Variants in ROR1 observed in about 807,000 individuals in gnomAD.
ROR1 encodes inactive tyrosine-protein kinase transmembrane receptor ROR1.
ROR1 carries 19 observed loss-of-function variants against 78.8 expected under a neutral mutation model. The observed-to-expected ratio is 0.24, with a 90% CI of 0.17 to 0.35. The LOEUF is 0.35. Ranked by LOEUF, ROR1 falls within the 10% of genes least tolerant of loss-of-function variation. ROR1 has a pLI of 1.00. For synonymous variants in ROR1, 386 were observed against 433.6 expected (o/e 0.89, Z 1.36); for missense variants, 917 against 1,177.8 (o/e 0.78, Z 3.24).
rs376343085 is a variant in ROR1, at chr1:64,049,921, G to T, written c.394G>T (p.Val132Leu). ...DTTDTGYFQC[V>L]ATNGKEVVSS... ...CACAGACACAGGCTACTTCCAGTGC[G>T]TGGCAACAAACGGCAAGGAGGTGGT... Residue 132 changes from valine (V) to leucine (L), a missense_variant, in exon 3 of 9, where the codon GTG becomes TTG. Coordinates refer to ENST00000371079, the MANE Select transcript of ROR1 (RefSeq NM_005012.4). The T allele has an allele frequency of 6.2e-7, 1 of 1,614,200 alleles. No homozygotes were observed. Among genetic ancestry groups the T allele is most frequent in the Non-Finnish European group, 8.5e-7 (1 of 1,180,032 alleles).
chr1:64,039,902 A>T (rs1393036159), intron 2 of ROR1, among the ~76,000 whole-genome samples: 2 of 152,246 alleles, frequency 1.3e-5, no homozygotes, highest in East Asian at 3.8e-4. Context: ...AGGAGAATGC[A>T]GTCTTTAGGC....
intron 1 of ROR1, among the ~76,000 whole-genome samples, chr1:63,788,086 C>T (rs966513695): frequency 2.7e-4 from 41 of 152,266 alleles, no homozygotes; most frequent in African/African-American, 7.9e-4. Flanking sequence ...TTTTCCACCT[C>T]CCTGGGGTTT....
At chr1:64,143,761 A>C (rs1047615414) in intron 7 of ROR1, among the ~76,000 whole-genome samples, 2 of 152,176 alleles carry the variant, frequency 1.3e-5, no homozygotes, top group Non-Finnish European at 2.9e-5. Flanking sequence ...GAACAAGCAA[A>C]AGGGAGAGTA....
At chr1:63,869,275 A>G (rs1191523221) in intron 1 of ROR1, among the ~76,000 whole-genome samples, 2 of 152,196 alleles carry the variant, frequency 1.3e-5, no homozygotes, top group African/African-American at 4.8e-5. Context: ...GATTATTTGT[A>G]ACTTCTAATA....
intron 1 of ROR1, among the ~76,000 whole-genome samples, chr1:63,993,847 C>T (rs285364): frequency 0.66 from 100,284 of 152,078 alleles, 37,565 homozygotes; most frequent in East Asian, 0.94. Flanking sequence ...GTAACAATAT[C>T]ATTTCATGTA....
At chr1:64,009,485 G>T in intron 2 of ROR1, 109 bp downstream of exon 2, 4 of 755,736 alleles carry the variant, frequency 5.3e-6, no homozygotes, top group East Asian at 2.6e-5. Flanking sequence ...CTGCAAGGAG[G>T]TGGGGGCCAA....
At chr1:63,990,038 C>A (rs1417753530) in intron 1 of ROR1, among the ~76,000 whole-genome samples, 2 of 152,142 alleles carry the variant, frequency 1.3e-5, no homozygotes, top group Non-Finnish European at 2.9e-5. Flanking sequence ...CCTGTCAGCT[C>A]CTTAAGAGAG....
chr1:63,923,789 C>A (rs901642245), intron 1 of ROR1, among the ~76,000 whole-genome samples: 1 of 151,814 alleles, frequency 6.6e-6, no homozygotes, highest in African/African-American at 2.4e-5. Context: ...CCTTACCCTG[C>A]AAACTGCCAC....
intron 1 of ROR1, among the ~76,000 whole-genome samples, chr1:63,904,589 AT>A (rs1209732148): frequency 1.3e-5 from 2 of 152,184 alleles, no homozygotes; most frequent in Non-Finnish European, 2.9e-5. Context: ...AAATTCGTAT[AT>A]TGAAGGCCTA....
chr1:64,139,984 G>C, intron 5 of ROR1, 125 bp from the exon 6 acceptor site: 1 of 835,906 alleles, frequency 1.2e-6, no homozygotes, highest in Non-Finnish European at 1.9e-6. Context: ...TCCTTCTCTG[G>C]GCCTTGTCTG....
At chr1:63,908,866 C>A (rs761396818) in intron 1 of ROR1, among the ~76,000 whole-genome samples, 1 of 152,182 alleles carries the variant, frequency 6.6e-6, no homozygotes, top group Non-Finnish European at 1.5e-5. Flanking sequence ...TCCCACCATG[C>A]CAGGACTCAG....
At chr1:63,944,423 T>C (rs1312158959) in intron 1 of ROR1, among the ~76,000 whole-genome samples, 1 of 152,252 alleles carries the variant, frequency 6.6e-6, no homozygotes, top group Admixed American at 6.5e-5. Context: ...CACAGCATTT[T>C]CATTTGATTG....
chr1:63,935,844 G>A (rs915755434), intron 1 of ROR1, among the ~76,000 whole-genome samples: 1 of 152,170 alleles, frequency 6.6e-6, no homozygotes, highest in East Asian at 1.9e-4. Context: ...CTTTTGAAAC[G>A]TTTGACATAT....
chr1:64,156,791 C>A (rs1649786810), intron 7 of ROR1, among the ~76,000 whole-genome samples: 1 of 151,930 alleles, frequency 6.6e-6, no homozygotes, highest in Non-Finnish European at 1.5e-5. Flanking sequence ...TTCAGATCAC[C>A]CTCATCCTTC....
chr1:63,989,162 G>GTTTTTTTTTTTTTTTTTTT (rs1287163623), intron 1 of ROR1, among the ~76,000 whole-genome samples: 5 of 117,398 alleles, frequency 4.3e-5, no homozygotes, highest in African/African-American at 1.2e-4. Flanking sequence ...GTCATTTTCT[G>GTTTTTTTTTTTTTTTTTTT]TTTTTGTTTT....
In ROR1 at chr1:63,774,104, AGGGTG is replaced by A; in HGVS notation, c.-313_-309del. ...CCCCGGGACGGCAGCCCCTGGGCGC[AGGGTG>A]CGCTGTTCTCGGAGTCCGACCCAGG... On this transcript the variant is annotated 5_prime_UTR_variant, in exon 1 of 9. Coordinates refer to ENST00000371079, the MANE Select transcript of ROR1 (RefSeq NM_005012.4). This position sits in a 1 kb window ranked among gnomAD's most constrained non-coding sequence, Gnocchi z 5.7. The A allele has an allele frequency of 5.8e-6, 1 of 171,848 alleles. No homozygotes were observed. Among genetic ancestry groups the A allele is most frequent in the African/African-American group, 2.4e-5 (1 of 41,466 alleles). 10.6% of individuals were successfully genotyped at this position (171,848 alleles called of 1,614,324 possible). A position where few individuals can be genotyped will look rare whatever the true frequency, so the allele number is the denominator to read the frequency against.
chr1:63,892,485 T>A (rs937458815), intron 1 of ROR1, among the ~76,000 whole-genome samples: 20 of 152,204 alleles, frequency 1.3e-4, no homozygotes, highest in Non-Finnish European at 2.9e-5. Context: ...CAGTTTCACA[T>A]CCATGTAGTG....
chr1:63,918,487 A>G (rs1279968816), intron 1 of ROR1, among the ~76,000 whole-genome samples: 2 of 152,156 alleles, frequency 1.3e-5, no homozygotes, highest in African/African-American at 4.8e-5. Flanking sequence ...GTTCTTAAGA[A>G]CGGGGCGTGG....
chr1:64,099,412 T>C (rs894630028), intron 4 of ROR1, among the ~76,000 whole-genome samples: 2 of 152,084 alleles, frequency 1.3e-5, no homozygotes, highest in East Asian at 3.9e-4. Flanking sequence ...GCTCAGTCAA[T>C]GCCACCTGCT....
Sources: allele counts gnomAD v4.1 joint callset (sites outside exome capture counted in the v4.1 genomes callset), GRCh38; gene constraint gnomAD v4.1.1; non-coding constraint Gnocchi (gnomAD v3.1); transcripts MANE v1.5; gene names NCBI Gene and HGNC (gene_info 2026-07-23, HGNC 2026-07-21).